MCU: variants seen among roughly 807,000 people sequenced by gnomAD.
The protein encoded by MCU is mitochondrial calcium uniporter.
MCU carries 12 observed loss-of-function variants against 45.2 expected under a neutral mutation model. The observed-to-expected ratio is 0.27, with a 90% CI of 0.17 to 0.43. MCU has a LOEUF of 0.43. Among genes scored for constraint, MCU ranks in the 20% least tolerant of loss-of-function variants. The pLI is 1.00. For synonymous variants in MCU, 160 were observed against 165.1 expected, an observed-to-expected ratio of 0.97 and a Z score of 0.24; for missense variants, 324 against 436.7, an observed-to-expected ratio of 0.74 and a Z score of 2.30.
chr10:72,833,635 A>G (rs1223479130), intron 1 of MCU, among the ~76,000 whole-genome samples: 1 of 152,248 alleles, frequency 6.6e-6, no homozygotes, highest in Non-Finnish European at 1.5e-5. Context: ...GGGGTTGGGA[A>G]AGTAAAAGAT....
At chr10:72,793,275 A>G (rs1460474395) in intron 1 of MCU, among the ~76,000 whole-genome samples, 1 of 152,220 alleles carries the variant, frequency 6.6e-6, no homozygotes, top group Non-Finnish European at 1.5e-5. Flanking sequence ...TCAAATCCTC[A>G]GGCAAAATAA....
chr10:72,698,658 C>G (rs1842719056), intron 1 of MCU, among the ~76,000 whole-genome samples: 2 of 152,182 alleles, frequency 1.3e-5, no homozygotes, highest in Admixed American at 1.3e-4. Flanking sequence ...GCACGCGCCA[C>G]CACGCCCAGC....
chr10:72,783,408 G>A (rs1844024471), intron 1 of MCU, among the ~76,000 whole-genome samples: 2 of 152,162 alleles, frequency 1.3e-5, no homozygotes, highest in South Asian at 4.1e-4. Context: ...ACTCAGGTGT[G>A]GAACTGCCAC....
chr10:72,845,215 T>A (rs1183656407), intron 2 of MCU, among the ~76,000 whole-genome samples: 1 of 152,086 alleles, frequency 6.6e-6, no homozygotes. Context: ...AATGGTGCTA[T>A]TACAGTCAAC....
At chr10:72,807,889 T>C (rs1026447363) in intron 1 of MCU, among the ~76,000 whole-genome samples, 11 of 152,364 alleles carry the variant, frequency 7.2e-5, no homozygotes, top group Non-Finnish European at 1.0e-4. Context: ...ATAATTGATT[T>C]CTGTCCAGAT....
intron 1 of MCU, chr10:72,716,013 C>A: frequency 2.7e-6 from 1 of 373,694 alleles, no homozygotes. Flanking sequence ...GATTTTTCTG[C>A]CCCCTGTTAC....
intron 1 of MCU, among the ~76,000 whole-genome samples, chr10:72,765,086 T>TAAAAA (rs529761895): frequency 8.1e-6 from 1 of 123,510 alleles, no homozygotes; most frequent in African/African-American, 3.0e-5. Flanking sequence ...CCCCATCTCT[T>TAAAAA]AAAAAAAAAA....
rs377469667 is a variant in MCU at position 72,770,333 on chromosome 10, A to C, written c.151-64026A>C. 6.6e-5 allele frequency among the ~76,000 whole-genome samples: 10 copies of C among 152,014 alleles called. 1 individual carries two copies. In the East Asian group the frequency reaches 1.7e-3, roughly 26 times the overall value. ...TAATGATTTTTTTCCACTATTTTTAAAGATTGTTTTCTTACTGGGCTCTAG... is the reference window on the plus strand; with the variant it reads ...TAATGATTTTTTTCCACTATTTTTACAGATTGTTTTCTTACTGGGCTCTAG... On this transcript the variant is annotated intron_variant, in intron 1 of 7. Coordinates refer to ENST00000373053, the MANE Select transcript of MCU (RefSeq NM_138357.3).
rs566972949 is a variant in MCU, at chr10:72,828,751, T to C, written c.151-5608T>C. On this transcript the variant is annotated intron_variant, in intron 1 of 7. Transcript: ENST00000373053. ...ACATAAAATATCTTTTTTATCATTC[T>C]AATTTTTATTGGCTTAAATCTTATG... Among the ~76,000 whole-genome samples, 3 of 152,364 alleles carry C rather than the reference T, an allele frequency of 2.0e-5. No individual in the cohort carries two copies. The East Asian group carries it at 5.8e-4, about 29-fold the overall frequency.
intron 2 of MCU, among the ~76,000 whole-genome samples, chr10:72,846,342 C>G (rs1238344317): frequency 1.3e-5 from 2 of 152,166 alleles, no homozygotes; most frequent in Admixed American, 6.5e-5. Context: ...TGCACGCGGC[C>G]CAATTAATAA....
intron 1 of MCU, among the ~76,000 whole-genome samples, chr10:72,770,404 G>T (rs1404793407): frequency 6.6e-6 from 1 of 151,834 alleles, no homozygotes; most frequent in Non-Finnish European, 1.5e-5. Context: ...CTTCAGATTT[G>T]TACTAACTCA....
intron 1 of MCU, among the ~76,000 whole-genome samples, chr10:72,737,793 T>G (rs1331033989): frequency 2.0e-5 from 3 of 152,184 alleles, no homozygotes; most frequent in African/African-American, 7.2e-5. Flanking sequence ...GTGCTGGGAT[T>G]TCAGGTATGA....
chr10:72,788,523 C>G (rs1401816924), intron 1 of MCU, among the ~76,000 whole-genome samples: 1 of 152,196 alleles, frequency 6.6e-6, no homozygotes, highest in African/African-American at 2.4e-5. Flanking sequence ...CTACACGGAA[C>G]TCTGAGTCAG....
intron 4 of MCU, among the ~76,000 whole-genome samples, chr10:72,866,276 A>T (rs1437979043): frequency 6.6e-6 from 1 of 152,158 alleles, no homozygotes; most frequent in Non-Finnish European, 1.5e-5. Flanking sequence ...AAGAGGGATG[A>T]CATTCATTGA....
At position 72,752,357 on chromosome 10, in the gene MCU, G is replaced by A. The variant is rs148404881; in HGVS notation, c.150+60056G>A. On this transcript the variant is annotated intron_variant, in intron 1 of 7. Transcript: ENST00000373053. ...GTGATCTGCCTGCCTCGGCCTCCCA[G>A]TGTGCTGGGATTACAGGCATGAGGC... Among the ~76,000 whole-genome samples the A allele has an allele frequency of 6.0e-3, 904 of 151,634 alleles. 12 individuals carry two copies. Among genetic ancestry groups the A allele is most frequent in the African/African-American group, 0.021 (852 of 41,308 alleles).
chr10:72,865,743 T>C (rs538619404), intron 4 of MCU, among the ~76,000 whole-genome samples: 1 of 150,058 alleles, frequency 6.7e-6, no homozygotes, highest in Non-Finnish European at 1.5e-5. Context: ...TTCCCTATGT[T>C]GCCCAGGCTG....
intron 1 of MCU, among the ~76,000 whole-genome samples, chr10:72,701,699 T>C (rs986062899): frequency 5.3e-5 from 8 of 152,090 alleles, no homozygotes; most frequent in African/African-American, 1.7e-4. Context: ...GCTAATTTTT[T>C]GTATTTTCTT....
chr10:72,757,054 A>G, intron 1 of MCU: 1 of 152,048 alleles, frequency 6.6e-6, no homozygotes, highest in Non-Finnish European at 1.5e-5. Flanking sequence ...GAAAGTACAT[A>G]AGTGTATGAA....
chr10:72,868,635 T>C, intron 4 of MCU, 68 bp from the exon 5 acceptor site: 3 of 1,438,744 alleles, frequency 2.1e-6, no homozygotes, highest in Non-Finnish European at 2.9e-6. Context: ...ATCTGCCTCA[T>C]CTGATAGTCC....
Sources: gnomAD v4.1 joint callset for allele counts (sites outside exome capture counted in the v4.1 genomes callset) on GRCh38, gnomAD v4.1.1 for gene constraint, MANE v1.5 for transcripts, NCBI Gene and HGNC (gene_info 2026-07-23, HGNC 2026-07-21) for gene names.